The following FBRSL1 variants were observed in gnomAD, a reference collection of about 807,000 sequenced individuals.
FBRSL1 encodes fibrosin-1-like protein.
FBRSL1 carries 51 observed loss-of-function variants against 89.6 expected under a neutral mutation model. That is an observed-to-expected ratio of 0.57 (90% CI 0.45 to 0.72). The LOEUF (loss-of-function observed/expected upper bound fraction) is 0.72. FBRSL1 is among the 30% of genes least tolerant of loss of function. FBRSL1 has a pLI of 0.00. For synonymous variants in FBRSL1, 779 were observed against 681.1 expected (o/e 1.14, Z -2.24); for missense variants, 1,618 against 1,451.8 (o/e 1.11, Z -1.86).
chr12:132,566,966 G>A (rs900033456), intron 5 of FBRSL1, among the ~76,000 whole-genome samples: 7 of 152,232 alleles, frequency 4.6e-5, no homozygotes, highest in African/African-American at 1.2e-4. Context: ...GCAGCCTTGC[G>A]GACCCACATG....
chr12:132,510,013 G>T (rs1593282812), intron 2 of FBRSL1: 3 of 1,231,506 alleles, frequency 2.4e-6, no homozygotes, highest in South Asian at 4.1e-5. Flanking sequence ...CAGCCCCAGC[G>T]GTTAGTGGAA....
chr12:132,492,479 T>C (rs2031206719), intron 1 of FBRSL1, among the ~76,000 whole-genome samples: 1 of 152,218 alleles, frequency 6.6e-6, no homozygotes, highest in Admixed American at 6.5e-5. Context: ...GTGTGTCTCC[T>C]ATGGGGTCTG....
At chr12:132,532,566 G>A (rs1423162168) in intron 4 of FBRSL1, among the ~76,000 whole-genome samples, 1 of 152,320 alleles carries the variant, frequency 6.6e-6, no homozygotes, top group Non-Finnish European at 1.5e-5. Flanking sequence ...ACAAACTGAG[G>A]TGTGGAGAAA....
In FBRSL1 at chr12:132,577,171, C is replaced by A. The variant is rs78048334; in HGVS notation, c.1834+240C>A. Among the ~76,000 whole-genome samples the A allele has an allele frequency of 4.6e-5, 7 of 151,932 alleles. No homozygotes were observed. The South Asian group carries it at 1.3e-3, about 27-fold the overall frequency. ...TCCCCACCAGCCTCCCCAGGGTGGA[C>A]CTGGGCCTGGGGCTGCTGCTCCTCC... On this transcript the variant is annotated intron_variant, in intron 15 of 18. Transcript: ENST00000680143.
At position 132,574,309 on chromosome 12, in the gene FBRSL1, G is replaced by T; in HGVS notation, c.1600-10G>T. On this transcript the variant is annotated splice_polypyrimidine_tract_variant and intron_variant, in intron 12 of 18. Transcript: ENST00000680143. ...GGCCCGGACCTCACACTCCTTTCCT[G>T]TCTCCACAGGTGTCTGACCCGTACC... is the stretch of plus-strand genomic sequence containing the variant. The T allele has an allele frequency of 6.5e-7, 1 of 1,535,890 alleles. No individual in the cohort carries two copies. The highest frequency in any genetic ancestry group is 8.8e-7 in the Non-Finnish European group (1 of 1,140,976).
chr12:132,502,030 A>C (rs913467279), intron 1 of FBRSL1, among the ~76,000 whole-genome samples: 3 of 152,214 alleles, frequency 2.0e-5, no homozygotes, highest in Admixed American at 6.5e-5. Flanking sequence ...CTGTTTGTAC[A>C]GAGAGTGCAT....
chr12:132,578,113 C>T (rs986681095), intron 15 of FBRSL1, among the ~76,000 whole-genome samples: 1 of 152,226 alleles, frequency 6.6e-6, no homozygotes, highest in Non-Finnish European at 1.5e-5. Flanking sequence ...TTGCTGAACA[C>T]CTGTTTTGTG....
chr12:132,548,179 C>A, intron 5 of FBRSL1, 147 bp downstream of exon 5: 1 of 928,016 alleles, frequency 1.1e-6, no homozygotes, highest in Non-Finnish European at 1.6e-6. Context: ...GGGCTTGTGG[C>A]CTCCCAGGTA....
chr12:132,530,792 C>T (rs2036201853), intron 4 of FBRSL1, among the ~76,000 whole-genome samples: 1 of 151,458 alleles, frequency 6.6e-6, no homozygotes, highest in Non-Finnish European at 1.5e-5. Flanking sequence ...GGTTCCCCTC[C>T]AAGCCGCAGG....
intron 4 of FBRSL1, among the ~76,000 whole-genome samples, chr12:132,528,703 G>A (rs1202765043): frequency 1.3e-5 from 2 of 151,286 alleles, no homozygotes; most frequent in Admixed American, 1.3e-4. Context: ...GTGCCTGAGA[G>A]AAGCAGGTGT....
intron 2 of FBRSL1, among the ~76,000 whole-genome samples, chr12:132,520,193 A>G (rs1488569488): frequency 1.2e-5 from 1 of 80,130 alleles, no homozygotes; most frequent in African/African-American, 5.2e-5. Context: ...CCTCCAGCAC[A>G]CCCTCCTTGC....
intron 4 of FBRSL1, among the ~76,000 whole-genome samples, chr12:132,532,776 C>T (rs989226309): frequency 7.2e-5 from 11 of 152,256 alleles, no homozygotes; most frequent in East Asian, 3.9e-4. Flanking sequence ...ACAGAGGGGC[C>T]GGTGAGAGGC....
intron 4 of FBRSL1, among the ~76,000 whole-genome samples, chr12:132,540,780 A>G (rs2037194562): frequency 6.6e-6 from 1 of 151,606 alleles, no homozygotes; most frequent in Admixed American, 6.6e-5. Context: ...CGATGGCAGG[A>G]GGACTCCCAG....
chr12:132,512,874 C>T (rs1662372076), intron 2 of FBRSL1, among the ~76,000 whole-genome samples: 1 of 152,226 alleles, frequency 6.6e-6, no homozygotes, highest in Admixed American at 6.5e-5. Context: ...ACATTCAGGA[C>T]CCAGAGGGGC....
chr12:132,507,330 G>A (rs2033807356), intron 1 of FBRSL1: 1 of 985,356 alleles, frequency 1.0e-6, no homozygotes, highest in African/African-American at 1.7e-5. Flanking sequence ...CCCTAAACTT[G>A]ACGCGCCGTA....
chr12:132,493,562 C>T (rs2031474377), intron 1 of FBRSL1, among the ~76,000 whole-genome samples: 1 of 152,220 alleles, frequency 6.6e-6, no homozygotes, highest in Admixed American at 6.5e-5. Flanking sequence ...GGCAGACCAC[C>T]CTCTCCGCCT....
At position 132,541,777 on chromosome 12, in the gene FBRSL1, C is replaced by T. The variant is rs868788936; in HGVS notation, c.616-6226C>T. Among the ~76,000 whole-genome samples, 8 of 152,392 alleles carry T rather than the reference C, an allele frequency of 5.2e-5. No individual in the cohort carries two copies. In the South Asian group the frequency reaches 1.2e-3, roughly 24 times the overall value. On this transcript the variant is annotated intron_variant, in intron 4 of 18. Transcript: ENST00000680143. ...GAATGCATTGCATATCCCGCCCGAG[C>T]GTGCGGCCCAAATGAAGGTGGGCCC...
chr12:132,498,289 C>T (rs1489037232), intron 1 of FBRSL1, among the ~76,000 whole-genome samples: 1 of 152,102 alleles, frequency 6.6e-6, no homozygotes, highest in South Asian at 2.1e-4. Flanking sequence ...TGACAGCAGT[C>T]GGAATGTTCC....
At chr12:132,557,571 A>AG (rs1189256046) in intron 5 of FBRSL1, among the ~76,000 whole-genome samples, 3 of 152,168 alleles carry the variant, frequency 2.0e-5, no homozygotes, top group Admixed American at 6.5e-5. Flanking sequence ...TCAGTGCTGA[A>AG]GGCGGCCTCA....
Sources: gnomAD v4.1 joint callset for allele counts (sites outside exome capture counted in the v4.1 genomes callset) on GRCh38, gnomAD v4.1.1 for gene constraint, MANE v1.5 for transcripts, NCBI Gene and HGNC (gene_info 2026-07-23, HGNC 2026-07-21) for gene names.